The following ANKFN1 variants were observed in gnomAD, a reference collection of about 807,000 sequenced individuals.
ANKFN1 encodes the protein ankyrin repeat and fibronectin type III domain containing 1.
In ANKFN1, 74 loss-of-function variants were observed where a neutral mutation model predicts 108.7. The ratio of observed to expected loss-of-function variants is 0.68; its 90% CI spans 0.56 to 0.83. The LOEUF (loss-of-function observed/expected upper bound fraction) is 0.83. ANKFN1 is among the 40% of genes least tolerant of loss of function. The pLI, the probability that ANKFN1 is intolerant of heterozygous loss-of-function variation, is 0.00. For missense variants in ANKFN1, 1,505 were observed against 1,382.3 expected (o/e 1.09, Z -1.41); for synonymous variants, 547 against 516.2 (o/e 1.06, Z -0.81).
chr17:56,286,147 C>T (rs2044211366), intron 3 of ANKFN1, among the ~76,000 whole-genome samples: 1 of 152,116 alleles, frequency 6.6e-6, no homozygotes, highest in South Asian at 2.1e-4. Context: ...GGCCTAGACT[C>T]AACATCTCTT....
At chr17:56,059,671 C>A (rs1488947551) in intron 4 of ANKFN1, among the ~76,000 whole-genome samples, 2 of 152,178 alleles carry the variant, frequency 1.3e-5, no homozygotes, top group Non-Finnish European at 2.9e-5. Context: ...GTTTTCCCAG[C>A]ACCATTTATT....
intron 8 of ANKFN1, among the ~76,000 whole-genome samples, chr17:56,424,854 C>T (rs2048510171): frequency 6.6e-6 from 1 of 152,136 alleles, no homozygotes; most frequent in Non-Finnish European, 1.5e-5. Context: ...AGGATGAAAG[C>T]ATCCCCAAAA....
chr17:56,110,689 T>A (rs1383489776), intron 4 of ANKFN1, among the ~76,000 whole-genome samples: 1 of 152,252 alleles, frequency 6.6e-6, no homozygotes, highest in Non-Finnish European at 1.5e-5. Flanking sequence ...ACTCTGGGTC[T>A]ACTGATACCT....
At chr17:56,496,387 C>G (rs1335154876) in intron 19 of ANKFN1, among the ~76,000 whole-genome samples, 4 of 152,032 alleles carry the variant, frequency 2.6e-5, no homozygotes, top group African/African-American at 4.8e-5. Flanking sequence ...TAACAAATTC[C>G]CATAAACTGG....
intron 3 of ANKFN1, among the ~76,000 whole-genome samples, chr17:56,243,537 C>A (rs996370874): frequency 2.6e-5 from 4 of 152,112 alleles, no homozygotes; most frequent in Non-Finnish European, 5.9e-5. Flanking sequence ...ACATTAACTC[C>A]TGGTTTCAAG....
intron 4 of ANKFN1, among the ~76,000 whole-genome samples, chr17:56,144,293 A>T (rs1908124014): frequency 6.6e-6 from 1 of 152,074 alleles, no homozygotes; most frequent in South Asian, 2.1e-4. Flanking sequence ...GAAGGGCTCC[A>T]TGTGAAAAAT....
intron 3 of ANKFN1, among the ~76,000 whole-genome samples, chr17:56,261,025 G>T (rs575174978): frequency 6.6e-6 from 1 of 152,154 alleles, no homozygotes; most frequent in South Asian, 2.1e-4. Flanking sequence ...GTCCCTAAAT[G>T]GGTTCTGCAT....
intron 2 of ANKFN1, among the ~76,000 whole-genome samples, chr17:56,219,125 T>G (rs2143852154): frequency 6.6e-6 from 1 of 152,334 alleles, no homozygotes; most frequent in South Asian, 2.1e-4. Flanking sequence ...GAACACATTT[T>G]AGATATCTGA....
chr17:56,435,793 C>A (rs926441119), intron 8 of ANKFN1, among the ~76,000 whole-genome samples: 2 of 151,972 alleles, frequency 1.3e-5, no homozygotes, highest in Admixed American at 6.6e-5. Flanking sequence ...GGCATTGCTG[C>A]ACTGTTTTAT....
rs1350371351 is a variant in ANKFN1 at position 56,303,106 on chromosome 17, G to GT, written c.54-23114dup. ...ACCAAGGGATGTTGTTGATTTCTCA[G>GT]TAAGTTGGATACCAAATTTTCAGAC... On this transcript the variant is annotated intron_variant, in intron 3 of 20. Transcript: ENST00000682825. Among the ~76,000 whole-genome samples the GT allele has an allele frequency of 6.6e-5, 10 of 152,200 alleles. No individual in the cohort carries two copies. The East Asian group carries it at 1.9e-3, about 29-fold the overall frequency.
intron 3 of ANKFN1, among the ~76,000 whole-genome samples, chr17:56,286,805 GA>G (rs2044229579): frequency 6.6e-6 from 1 of 152,066 alleles, no homozygotes; most frequent in Admixed American, 6.6e-5. Context: ...ATGATCATAT[GA>G]TATGGCATCT....
intron 6 of ANKFN1, among the ~76,000 whole-genome samples, chr17:56,360,450 T>C (rs2046487124): frequency 1.3e-5 from 2 of 152,232 alleles, no homozygotes; most frequent in African/African-American, 2.4e-5. Context: ...CATCACTCTC[T>C]TGTCATTTTG....
intron 17 of ANKFN1, among the ~76,000 whole-genome samples, chr17:56,481,363 A>T (rs1401244210): frequency 6.6e-6 from 1 of 152,170 alleles, no homozygotes; most frequent in Non-Finnish European, 1.5e-5. Context: ...CTTCAAGAAA[A>T]ACTGTTGGCA....
At chr17:56,490,748 T>A (rs931324067) in intron 18 of ANKFN1, among the ~76,000 whole-genome samples, 52 of 152,086 alleles carry the variant, frequency 3.4e-4, no homozygotes, top group African/African-American at 1.3e-3. Context: ...GAAGGAAGGA[T>A]CTGACACCAC....
chr17:56,361,088 CTCTT>C (rs2144718679), intron 6 of ANKFN1, among the ~76,000 whole-genome samples: 1 of 152,272 alleles, frequency 6.6e-6, no homozygotes, highest in Non-Finnish European at 1.5e-5. Flanking sequence ...CATCCATTAT[CTCTT>C]TCTGTGTGTG....
chr17:56,508,141 G>C (rs547785954), intron 20 of ANKFN1, among the ~76,000 whole-genome samples: 10 of 152,290 alleles, frequency 6.6e-5, no homozygotes, highest in African/African-American at 2.2e-4. Flanking sequence ...TATTTGGAGG[G>C]AAAATGTAGC....
chr17:56,364,386 T>C (rs905705281), intron 6 of ANKFN1, among the ~76,000 whole-genome samples: 1 of 152,178 alleles, frequency 6.6e-6, no homozygotes. Flanking sequence ...TTTGGATATA[T>C]CAAGTTAAGT....
chr17:56,070,626 C>T (rs976091244), intron 4 of ANKFN1, among the ~76,000 whole-genome samples: 9 of 152,120 alleles, frequency 5.9e-5, no homozygotes, highest in African/African-American at 2.2e-4. Context: ...TATGTTTGTT[C>T]TCTTAACCTG....
chr17:56,467,071 G>A (rs987273424), intron 15 of ANKFN1, among the ~76,000 whole-genome samples: 18 of 152,160 alleles, frequency 1.2e-4, no homozygotes, highest in South Asian at 2.1e-4. Context: ...AGCCAAGATT[G>A]TGCGACTGCC....
Sources: gnomAD v4.1 joint callset for allele counts (sites outside exome capture counted in the v4.1 genomes callset) on GRCh38, gnomAD v4.1.1 for gene constraint, MANE v1.5 for transcripts, NCBI Gene and HGNC (gene_info 2026-07-23, HGNC 2026-07-21) for gene names.